ZNF710: variants seen among roughly 807,000 people sequenced by gnomAD.
The protein encoded by ZNF710 is zinc finger protein 710.
Under a neutral mutation model 50.6 loss-of-function variants are expected in ZNF710, and 13 were observed. The observed-to-expected ratio is 0.26, with a 90% CI of 0.17 to 0.41. ZNF710 has a LOEUF of 0.41. Among genes scored for constraint, ZNF710 ranks in the 10% least tolerant of loss-of-function variants. ZNF710 has a pLI of 1.00. For missense variants in ZNF710, 721 were observed against 936.6 expected (o/e 0.77, Z 3.01); for synonymous variants, 383 against 397.0 (o/e 0.96, Z 0.42).
intron 1 of ZNF710, among the ~76,000 whole-genome samples, chr15:90,007,232 G>T (rs75583442): frequency 6.6e-6 from 1 of 152,172 alleles, no homozygotes; most frequent in South Asian, 2.1e-4. Context: ...GGGAGGAAAG[G>T]TGTAACGTTT....
intron 1 of ZNF710, among the ~76,000 whole-genome samples, chr15:90,018,327 C>T (rs1459065461): frequency 2.0e-5 from 3 of 152,098 alleles, no homozygotes; most frequent in Non-Finnish European, 4.4e-5. Flanking sequence ...TGCCACCACA[C>T]CCAGCTACTT....
intron 1 of ZNF710, among the ~76,000 whole-genome samples, chr15:90,019,779 C>T (rs1415587606): frequency 6.6e-6 from 1 of 152,252 alleles, no homozygotes; most frequent in Non-Finnish European, 1.5e-5. Context: ...AAGCTGCAGG[C>T]CTGTGGCTCC....
intron 1 of ZNF710, among the ~76,000 whole-genome samples, chr15:90,052,365 A>G (rs923761911): frequency 1.3e-5 from 2 of 152,056 alleles, no homozygotes; most frequent in Admixed American, 1.3e-4. Context: ...TCTGCAGTCA[A>G]TCTCCATTCC....
chr15:90,008,441 C>CATATATATAT (rs1011267136), intron 1 of ZNF710, among the ~76,000 whole-genome samples: 1 of 126,510 alleles, frequency 7.9e-6, no homozygotes, highest in African/African-American at 3.8e-5. Context: ...TATATATATA[C>CATATATATAT]ATATATATAT....
chr15:90,045,697 T>C (rs1899437907), intron 1 of ZNF710, among the ~76,000 whole-genome samples: 1 of 152,046 alleles, frequency 6.6e-6, no homozygotes, highest in East Asian at 1.9e-4. Flanking sequence ...AGGGGACAGA[T>C]ATCATAGAGT....
intron 1 of ZNF710, among the ~76,000 whole-genome samples, chr15:90,055,427 C>T (rs1015925661): frequency 2.0e-5 from 3 of 152,060 alleles, no homozygotes; most frequent in African/African-American, 2.4e-5. Context: ...GACAGCAGCA[C>T]GTTGTGGACT....
At chr15:90,021,810 G>A (rs934138379) in intron 1 of ZNF710, among the ~76,000 whole-genome samples, 1 of 152,198 alleles carries the variant, frequency 6.6e-6, no homozygotes, top group Non-Finnish European at 1.5e-5. Context: ...GGGGGACCAG[G>A]CGTGGTGGCT....
At chr15:90,024,111 A>G (rs1213843343) in intron 1 of ZNF710, among the ~76,000 whole-genome samples, 3 of 152,182 alleles carry the variant, frequency 2.0e-5, no homozygotes, top group Non-Finnish European at 4.4e-5. Context: ...CCCTGGCCAC[A>G]TGATGCAACC....
At chr15:90,077,890 T>G (rs1478313759) in intron 4 of ZNF710, among the ~76,000 whole-genome samples, 1 of 146,348 alleles carries the variant, frequency 6.8e-6, no homozygotes, top group Non-Finnish European at 1.5e-5. Context: ...GCCTTGGCAA[T>G]AGAGCAAGAC....
chr15:90,051,388 C>T (rs763481427), intron 1 of ZNF710, among the ~76,000 whole-genome samples: 17 of 152,088 alleles, frequency 1.1e-4, no homozygotes, highest in Non-Finnish European at 2.4e-4. Flanking sequence ...AATCCCAGCA[C>T]TTTGGGAGGC....
chr15:90,043,163 AC>A (rs1201581038), intron 1 of ZNF710, among the ~76,000 whole-genome samples: 2 of 152,244 alleles, frequency 1.3e-5, no homozygotes, highest in African/African-American at 2.4e-5. Context: ...AACTGGGTGG[AC>A]ACGGCCCAGG....
chr15:90,010,115 A>G (rs1011083114), intron 1 of ZNF710, among the ~76,000 whole-genome samples: 2 of 151,764 alleles, frequency 1.3e-5, no homozygotes, highest in East Asian at 3.9e-4. Context: ...CTACTTGCTT[A>G]CCTACCATGA....
rs900826328 is a variant in ZNF710, at chr15:90,081,666, C to G, written c.*1837C>G. ...GTATAAGACATTTTCTCCTGCTGAG[C>G]AGAAGGCATCATCCCCTGCAACTAC... On this transcript the variant is annotated 3_prime_UTR_variant, in exon 5 of 5. Transcript: ENST00000268154. 4 of 152,378 alleles carry G rather than the reference C, an allele frequency of 2.6e-5. No homozygotes were observed. The highest frequency in any genetic ancestry group is 6.5e-5 in the Admixed American group (1 of 15,274). The allele number at this position is 152,378 out of a possible 1,614,324, so 9.4% of individuals were successfully genotyped here. A position where few individuals can be genotyped will look rare whatever the true frequency, so the allele number is the denominator to read the frequency against.
At chr15:90,074,445 T>C in intron 4 of ZNF710, 155 bp downstream of exon 4, 1 of 1,537,462 alleles carries the variant, frequency 6.5e-7, no homozygotes. Flanking sequence ...TGGAAGGCCA[T>C]GATGACAATA....
intron 1 of ZNF710, among the ~76,000 whole-genome samples, chr15:90,035,131 A>G (rs1899081250): frequency 6.6e-6 from 1 of 152,256 alleles, no homozygotes; most frequent in African/African-American, 2.4e-5. Context: ...GGCTGGGCAC[A>G]GGCACATGGC....
rs895100402 is a variant in ZNF710 at position 90,034,597 on chromosome 15, C to G, written c.-28-32513C>G. On this transcript the variant is annotated intron_variant, in intron 1 of 4. Transcript: ENST00000268154. The surrounding 1 kb of genome is among the most constrained non-coding windows in gnomAD (Gnocchi z 4.0). ...GGGCCCTCCCTAGCAGCAGGGGAAG[C>G]CTGGCAGCTTGGCTGAGCCTCCTCC... Among the ~76,000 whole-genome samples the G allele has an allele frequency of 2.6e-5, 4 of 152,022 alleles. No homozygotes were observed. Among genetic ancestry groups the G allele is most frequent in the East Asian group, 1.9e-4 (1 of 5,158 alleles).
chr15:90,070,076 C>T (rs1406068284), intron 2 of ZNF710, among the ~76,000 whole-genome samples: 1 of 152,224 alleles, frequency 6.6e-6, no homozygotes, highest in Non-Finnish European at 1.5e-5. Flanking sequence ...CTGTCTCTCA[C>T]GGTAGACACT....
intron 1 of ZNF710, among the ~76,000 whole-genome samples, chr15:90,036,408 C>T (rs1899128153): frequency 6.6e-6 from 1 of 152,182 alleles, no homozygotes; most frequent in Non-Finnish European, 1.5e-5. Flanking sequence ...TCCGAAGCCT[C>T]TCTCTGAAGT....
chr15:90,017,659 CT>C (rs1898492166), intron 1 of ZNF710, among the ~76,000 whole-genome samples: 1 of 151,898 alleles, frequency 6.6e-6, no homozygotes, highest in Admixed American at 6.6e-5. Flanking sequence ...ATCCTGTCCA[CT>C]TTTGTTTGGT....
Sources: gnomAD v4.1 joint callset for allele counts (sites outside exome capture counted in the v4.1 genomes callset) on GRCh38, gnomAD v4.1.1 for gene constraint, Gnocchi (gnomAD v3.1) non-coding constraint, MANE v1.5 for transcripts, NCBI Gene and HGNC (gene_info 2026-07-23, HGNC 2026-07-21) for gene names.